PTPN13: variants seen among roughly 807,000 people sequenced by gnomAD.
PTPN13 encodes tyrosine-protein phosphatase non-receptor type 13.
A neutral mutation model predicts 284.0 loss-of-function variants in PTPN13; 191 were observed. That is an observed-to-expected ratio of 0.67 (90% CI 0.60 to 0.76). The LOEUF (loss-of-function observed/expected upper bound fraction) is 0.76, where lower values mean the gene tolerates loss of function less well. Among genes scored for constraint, PTPN13 ranks in the 30% least tolerant of loss-of-function variants. The pLI, the probability that PTPN13 is intolerant of heterozygous loss-of-function variation, is 0.00. For missense variants in PTPN13, 2,797 were observed against 2,939.9 expected (o/e 0.95, Z 1.12); for synonymous variants, 986 against 1,022.3 (o/e 0.96, Z 0.68).
intron 42 of PTPN13, 148 bp from the exon 43 acceptor site, chr4:86,803,561 C>A: frequency 1.2e-6 from 1 of 808,294 alleles, no homozygotes; most frequent in Non-Finnish European, 1.9e-6. Flanking sequence ...GAACTGCACT[C>A]CATCGTAGGC....
chr4:86,741,273 A>G (rs1270163477), intron 15 of PTPN13, among the ~76,000 whole-genome samples: 5 of 152,168 alleles, frequency 3.3e-5, no homozygotes, highest in Admixed American at 3.3e-4. Context: ...AGACAGGGCA[A>G]TTTGCAAAAG....
chr4:86,733,136 G>A (rs1202879028), intron 12 of PTPN13, among the ~76,000 whole-genome samples: 5 of 151,986 alleles, frequency 3.3e-5, no homozygotes, highest in African/African-American at 9.7e-5. Flanking sequence ...TTCCACATCA[G>A]TTTATTTAGT....
chr4:86,673,739 G>A (rs925090593), intron 3 of PTPN13, among the ~76,000 whole-genome samples: 4 of 152,296 alleles, frequency 2.6e-5, no homozygotes, highest in Admixed American at 2.0e-4. Flanking sequence ...ACGGAGTCTC[G>A]TTTCTTTGCC....
chr4:86,657,173 C>T (rs1433863010), intron 2 of PTPN13, among the ~76,000 whole-genome samples: 1 of 152,218 alleles, frequency 6.6e-6, no homozygotes, highest in Non-Finnish European at 1.5e-5. Flanking sequence ...TTGCACTTCC[C>T]TGGGTAAGGT....
intron 28 of PTPN13, 77 bp from the exon 29 acceptor site, chr4:86,769,692 G>T: frequency 1.1e-6 from 1 of 951,578 alleles, no homozygotes; most frequent in Non-Finnish European, 1.6e-6. Context: ...GTGTCTAGAA[G>T]TATATATGTT....
intron 4 of PTPN13, among the ~76,000 whole-genome samples, chr4:86,687,971 G>C (rs1192111774): frequency 6.6e-6 from 1 of 152,142 alleles, no homozygotes; most frequent in East Asian, 1.9e-4. Flanking sequence ...GATACTGTTA[G>C]ACACTAGGAC....
At chr4:86,781,294 T>C (rs1030465692) in intron 36 of PTPN13, among the ~76,000 whole-genome samples, 1 of 147,988 alleles carries the variant, frequency 6.8e-6, no homozygotes, top group Non-Finnish European at 1.5e-5. Flanking sequence ...TTTTCCAAAC[T>C]CTACCGTATT....
chr4:86,733,347 A>G (rs141922939), intron 12 of PTPN13, among the ~76,000 whole-genome samples: 3,036 of 152,148 alleles, frequency 0.02, 55 homozygotes, highest in Non-Finnish European at 0.028. Flanking sequence ...TTTGGAATTC[A>G]TCTCCTTTTT....
At chr4:86,706,905 A>G (rs368984932) in intron 7 of PTPN13, among the ~76,000 whole-genome samples, 4 of 152,014 alleles carry the variant, frequency 2.6e-5, no homozygotes, top group Non-Finnish European at 5.9e-5. Context: ...TTTTCACCTC[A>G]GCACAGGACT....
intron 3 of PTPN13, among the ~76,000 whole-genome samples, chr4:86,680,295 A>G (rs566037288): frequency 6.6e-6 from 1 of 152,174 alleles, no homozygotes; most frequent in South Asian, 2.1e-4. Flanking sequence ...ACTTATATTA[A>G]TGAGCTTCCT....
At chr4:86,671,455 A>G (rs1378645643) in intron 2 of PTPN13, among the ~76,000 whole-genome samples, 1 of 152,084 alleles carries the variant, frequency 6.6e-6, no homozygotes, top group Non-Finnish European at 1.5e-5. Context: ...GTTTTCTTAA[A>G]ACCTGTATTA....
In PTPN13 at chr4:86,764,638, A is replaced by G. The variant is rs1322776159; in HGVS notation, c.4063A>G (p.Thr1355Ala). 2.5e-6 allele frequency: 4 copies of G among 1,577,520 alleles called. No individual in the cohort carries two copies. The African/African-American group carries it at 5.4e-5, about 21-fold the overall frequency. Residue 1355 changes from threonine to alanine, a missense_variant, in exon 25 of 48, where the codon ACT becomes GCT. Transcript: ENST00000411767. ...TACATCCAACAAGATGAATTTTAAA[A>G]CTTTTTCTTCATCACCTCCTAAGCC... ...VNTSNKMNFK[T>A]FSSSPPKPGD...
intron 1 of PTPN13, among the ~76,000 whole-genome samples, chr4:86,617,056 C>T (rs867757783): frequency 1.3e-5 from 2 of 151,990 alleles, no homozygotes; most frequent in African/African-American, 2.4e-5. Context: ...TGGGAAGCCA[C>T]GAAGCATTGG....
At chr4:86,600,046 G>A (rs1339398979) in intron 1 of PTPN13, among the ~76,000 whole-genome samples, 4 of 152,130 alleles carry the variant, frequency 2.6e-5, no homozygotes, top group African/African-American at 9.7e-5. Flanking sequence ...GAAATTCTGA[G>A]TTATCAAATG....
chr4:86,772,606 A>C (rs1313443395), intron 31 of PTPN13, among the ~76,000 whole-genome samples, 172 bp from the exon 32 acceptor site: 4 of 152,192 alleles, frequency 2.6e-5, no homozygotes. Flanking sequence ...GTTAATTTTA[A>C]CATTTAACAG....
intron 1 of PTPN13, among the ~76,000 whole-genome samples, chr4:86,616,784 A>G (rs868488633): frequency 6.6e-6 from 1 of 152,170 alleles, no homozygotes; most frequent in Non-Finnish European, 1.5e-5. Flanking sequence ...TATAAAGCCT[A>G]CAGAACCATG....
At chr4:86,692,352 A>T (rs1301070731) in intron 5 of PTPN13, among the ~76,000 whole-genome samples, 1 of 152,192 alleles carries the variant, frequency 6.6e-6, no homozygotes, top group East Asian at 1.9e-4. Context: ...TCCATTTACA[A>T]GTCTTCTTAT....
At chr4:86,801,661 G>T (rs887762975) in intron 42 of PTPN13, among the ~76,000 whole-genome samples, 7 of 152,086 alleles carry the variant, frequency 4.6e-5, no homozygotes, top group Non-Finnish European at 7.4e-5. Flanking sequence ...TGCAATTCAA[G>T]GCACTGAAAT....
intron 2 of PTPN13, among the ~76,000 whole-genome samples, chr4:86,658,324 G>A (rs148198881): frequency 6.6e-6 from 1 of 152,314 alleles, no homozygotes; most frequent in African/African-American, 2.4e-5. Context: ...TGGGATTGCT[G>A]TAGTCAATGC....
Sources: gnomAD v4.1 joint callset for allele counts (sites outside exome capture counted in the v4.1 genomes callset) on GRCh38, gnomAD v4.1.1 for gene constraint, MANE v1.5 for transcripts, NCBI Gene and HGNC (gene_info 2026-07-23, HGNC 2026-07-21) for gene names.